Variants in STAB2 observed in about 807,000 individuals in gnomAD.
STAB2 encodes the protein stabilin 2, also known as stabilin-2.
A neutral mutation model predicts 338.1 loss-of-function variants in STAB2; 288 were observed. That is an observed-to-expected ratio of 0.85 (90% CI 0.77 to 0.94). The LOEUF is 0.94. Among genes scored for constraint, STAB2 ranks in the 40% least tolerant of loss-of-function variants. The pLI, the probability that STAB2 is intolerant of heterozygous loss-of-function variation, is 0.00. For missense variants in STAB2, 3,141 were observed against 3,210.1 expected (o/e 0.98, Z 0.52); for synonymous variants, 1,202 against 1,193.3 (o/e 1.01, Z -0.15).
Position 103,726,166 on chromosome 12 carries a change from A to G in STAB2, c.4851+3A>G. 1 of 1,613,936 alleles carries G rather than the reference A, an allele frequency of 6.2e-7. No individual in the cohort carries two copies. Among genetic ancestry groups the G allele is most frequent in the South Asian group, 1.1e-5 (1 of 91,088 alleles). ...CCCAGTATTTCTTCCAGTTGCAGGT[A>G]GGAAATATACATGTCTGTCTAGCCA... On this transcript the variant is annotated splice_donor_region_variant and intron_variant, in intron 46 of 68. Coordinates refer to ENST00000388887, the MANE Select transcript of STAB2 (RefSeq NM_017564.10).
chr12:103,616,306 A>G (rs1338130751), intron 3 of STAB2, among the ~76,000 whole-genome samples: 1 of 152,170 alleles, frequency 6.6e-6, no homozygotes. Context: ...TGGAACAGGC[A>G]CCAAGATGAT....
intron 27 of STAB2, among the ~76,000 whole-genome samples, chr12:103,686,688 T>C (rs1489955125): frequency 1.3e-5 from 2 of 152,198 alleles, no homozygotes; most frequent in Admixed American, 6.5e-5. Context: ...GTATTTTTTA[T>C]AGAGACAGGG....
intron 6 of STAB2, among the ~76,000 whole-genome samples, chr12:103,631,975 G>A (rs1957471014): frequency 6.6e-6 from 1 of 152,184 alleles, no homozygotes; most frequent in South Asian, 2.1e-4. Context: ...AGAATGGAGA[G>A]AGGGACACCG....
intron 39 of STAB2, among the ~76,000 whole-genome samples, chr12:103,708,978 A>G (rs1326972696): frequency 2.6e-5 from 4 of 152,212 alleles, no homozygotes; most frequent in Admixed American, 1.3e-4. Flanking sequence ...AAACACTGCT[A>G]CAATAACCAT....
chr12:103,732,455 AC>A (rs879789633), intron 50 of STAB2, among the ~76,000 whole-genome samples: 1 of 152,172 alleles, frequency 6.6e-6, no homozygotes, highest in Non-Finnish European at 1.5e-5. Flanking sequence ...CTGATACTCA[AC>A]CCTGAGCAGT....
At chr12:103,678,178 G>T (rs17034363) in intron 25 of STAB2, among the ~76,000 whole-genome samples, 3,903 of 152,312 alleles carry the variant, frequency 0.026, 109 homozygotes, top group East Asian at 0.15. Context: ...ACACACGGAA[G>T]ATGGGAACCA....
rs551057828 is a variant in STAB2, at chr12:103,601,541, A to C, written c.331+7031A>C. 2.6e-5 allele frequency among the ~76,000 whole-genome samples: 4 copies of C among 152,330 alleles called. No homozygotes were observed. The East Asian group carries it at 5.8e-4, about 22-fold the overall frequency. ...CGGGAGGCGGAAGTTGCAGTGACCCAAGATCGCGTCAATGCACTCCAGCCT... is the reference window on the plus strand; with the variant it reads ...CGGGAGGCGGAAGTTGCAGTGACCCCAGATCGCGTCAATGCACTCCAGCCT... On this transcript the variant is annotated intron_variant, in intron 3 of 68. Transcript: ENST00000388887.
Position 103,589,005 on chromosome 12 carries a change from C to G in STAB2, c.81+1448C>G, listed in dbSNP as rs2138519087. ...AGGGCTAATCAAGGAATCACAAGAC[C>G]AGTAACTCACAGGGTGACCTTGGGC... is the stretch of plus-strand genomic sequence containing the variant. On this transcript the variant is annotated intron_variant, in intron 1 of 68. Coordinates refer to ENST00000388887, the MANE Select transcript of STAB2 (RefSeq NM_017564.10). Among the ~76,000 whole-genome samples the G allele has an allele frequency of 1.3e-5, 2 of 152,286 alleles. 1 individual carries two copies. Among genetic ancestry groups the G allele is most frequent in the South Asian group, 4.1e-4 (2 of 4,826 alleles).
At chr12:103,692,575 T>C (rs564292746) in intron 30 of STAB2, among the ~76,000 whole-genome samples, 16 of 150,302 alleles carry the variant, frequency 1.1e-4, no homozygotes, top group African/African-American at 2.2e-4. Context: ...CTCTTTTTCT[T>C]TCTCTCTCTC....
At chr12:103,750,948 C>A (rs1008506981) in intron 60 of STAB2, among the ~76,000 whole-genome samples, 1 of 152,278 alleles carries the variant, frequency 6.6e-6, no homozygotes, top group Non-Finnish European at 1.5e-5. Flanking sequence ...AAAAATCAGC[C>A]GGTTGTGGCA....
intron 39 of STAB2, 89 bp downstream of exon 39, chr12:103,708,625 T>A: frequency 8.6e-7 from 1 of 1,159,962 alleles, no homozygotes; most frequent in Non-Finnish European, 1.2e-6. Flanking sequence ...AAATGACACC[T>A]TTTTTTACTT....
rs149696858 is a variant in STAB2 at position 103,638,033 on chromosome 12, C to G, written c.727C>G (p.Arg243Gly). The G allele has an allele frequency of 6.2e-7, 1 of 1,611,340 alleles. No homozygotes were observed. The highest frequency in any genetic ancestry group is 1.7e-5 in the Admixed American group (1 of 59,936). ...CTCTCAAGCCATCAATCCATGTTTA[C>G]GAAAAATCTGCCACCCTCATGCTCA... ...KYCDPINPCL[R>G]KICHPHAHCT... The change falls in exon 8 of 69, where the codon CGA (arginine) becomes GGA (glycine). Residue 243 changes from arginine to glycine, a missense_variant. Physicochemically the swap from Arg to Gly is moderately radical, Grantham distance 125 (BLOSUM62 -2). Coordinates refer to ENST00000388887, the MANE Select transcript of STAB2 (RefSeq NM_017564.10).
At chr12:103,726,050 T>C in intron 45 of STAB2, 66 bp from the exon 46 acceptor site, 1 of 1,574,010 alleles carries the variant, frequency 6.4e-7, no homozygotes, top group Non-Finnish European at 8.7e-7. Flanking sequence ...AATCATCCCA[T>C]GACAACCCTG....
chr12:103,655,370 G>C (rs906116188), intron 14 of STAB2, 63 bp downstream of exon 14: 1 of 1,602,328 alleles, frequency 6.2e-7, no homozygotes, highest in African/African-American at 1.3e-5. Context: ...AATTAGCAGG[G>C]GTGTCAATTA....
At chr12:103,686,837 C>T (rs894559254) in intron 27 of STAB2, among the ~76,000 whole-genome samples, 13 of 152,218 alleles carry the variant, frequency 8.5e-5, no homozygotes, top group Admixed American at 2.6e-4. Context: ...GTTTAGCCGC[C>T]ACCTCCCCAG....
intron 48 of STAB2, 29 bp downstream of exon 48, chr12:103,729,024 C>T (rs756310776): frequency 1.2e-6 from 2 of 1,610,936 alleles, no homozygotes; most frequent in South Asian, 1.1e-5. Context: ...TAGGTCCTCT[C>T]TCCCCTAGAT....
chr12:103,588,508 CCATCAT>C (rs562415897), intron 1 of STAB2, among the ~76,000 whole-genome samples: 8 of 152,004 alleles, frequency 5.3e-5, no homozygotes, highest in African/African-American at 1.4e-4. Flanking sequence ...TTCTTAATCA[CCATCAT>C]CATCATCATC....
intron 60 of STAB2, among the ~76,000 whole-genome samples, 168 bp downstream of exon 60, chr12:103,750,888 G>A (rs1287070020): frequency 6.6e-6 from 1 of 152,218 alleles, no homozygotes; most frequent in Non-Finnish European, 1.5e-5. Context: ...GTCAGGAGTT[G>A]GAGACCAGCC....
chr12:103,717,646 C>T (rs1213020871), intron 43 of STAB2, 124 bp from the exon 44 acceptor site: 34 of 737,816 alleles, frequency 4.6e-5, no homozygotes, highest in East Asian at 4.1e-4. Context: ...ATATTACCAA[C>T]GTCAAATAGA....
Sources: allele counts gnomAD v4.1 joint callset (sites outside exome capture counted in the v4.1 genomes callset), GRCh38; gene constraint gnomAD v4.1.1; transcripts MANE v1.5; gene names NCBI Gene and HGNC (gene_info 2026-07-23, HGNC 2026-07-21).